Variants in MYO1E observed in about 807,000 individuals in gnomAD.
The protein encoded by MYO1E is unconventional myosin-Ie.
A neutral mutation model predicts 151.1 loss-of-function variants in MYO1E; 68 were observed. That is an observed-to-expected ratio of 0.45 (90% CI 0.37 to 0.55). The LOEUF is 0.55. MYO1E is among the 20% of genes least tolerant of loss of function. MYO1E has a pLI of 0.00. For missense variants in MYO1E, 1,363 were observed against 1,389.3 expected, an observed-to-expected ratio of 0.98 and a Z score of 0.30; for synonymous variants, 601 against 501.7, an observed-to-expected ratio of 1.20 and a Z score of -2.64.
chr15:59,313,473 T>C (rs1245547057), intron 1 of MYO1E, among the ~76,000 whole-genome samples: 1 of 152,168 alleles, frequency 6.6e-6, no homozygotes, highest in East Asian at 1.9e-4. Flanking sequence ...GAAATAATAA[T>C]GGGAGTACAG....
intron 1 of MYO1E, among the ~76,000 whole-genome samples, chr15:59,306,124 A>C (rs1437110748): frequency 6.6e-6 from 1 of 152,208 alleles, no homozygotes; most frequent in Admixed American, 6.5e-5. Flanking sequence ...TCAACCCCAG[A>C]AGTTTTTCTA....
intron 1 of MYO1E, among the ~76,000 whole-genome samples, chr15:59,279,514 C>T (rs1397761330): frequency 6.6e-6 from 1 of 152,198 alleles, no homozygotes; most frequent in Non-Finnish European, 1.5e-5. Flanking sequence ...CCAGCCAAGA[C>T]CCTGTGCCAC....
chr15:59,268,955 A>G (rs1215847021), intron 2 of MYO1E, among the ~76,000 whole-genome samples: 3 of 151,904 alleles, frequency 2.0e-5, no homozygotes, highest in Non-Finnish European at 4.4e-5. Flanking sequence ...CTTACCAAAA[A>G]ACCGTATTTC....
At chr15:59,189,438 G>C (rs1023404732) in intron 17 of MYO1E, among the ~76,000 whole-genome samples, 1 of 149,702 alleles carries the variant, frequency 6.7e-6, no homozygotes, top group Non-Finnish European at 1.5e-5. Context: ...TCTTTCTTTC[G>C]AGACAGAGTC....
Position 59,137,432 on chromosome 15 carries a change from C to T in MYO1E, c.3275G>A (p.Arg1092Gln), listed in dbSNP as rs749958731. 1.1e-5 allele frequency: 17 copies of T among 1,613,970 alleles called. No homozygotes were observed. The highest frequency in any genetic ancestry group is 5.0e-5 in the Admixed American group (3 of 60,000). Residue 1092 changes from arginine to glutamine, a missense_variant, in exon 28 of 28, where the codon CGA becomes CAA. By Grantham distance (43) the Arg-to-Gln change is conservative (BLOSUM62 1). Transcript: ENST00000288235. The stretch of plus-strand genomic sequence containing the variant: ...GAACAGGCCCTGCTTGCCTCGTAGT[C>T]GACCCGTCCACCAGCCAGAAGGATC... ...KEDPSGWWTG[R>Q]LRGKQGLFPN...
At chr15:59,326,316 G>A (rs944547026) in intron 1 of MYO1E, among the ~76,000 whole-genome samples, 8 of 151,984 alleles carry the variant, frequency 5.3e-5, no homozygotes, top group Non-Finnish European at 1.0e-4. Context: ...TCAGGAGATC[G>A]AGACCATCCT....
intron 16 of MYO1E, among the ~76,000 whole-genome samples, chr15:59,200,628 GA>G (rs2079795331): frequency 6.6e-6 from 1 of 151,826 alleles, no homozygotes; most frequent in Non-Finnish European, 1.5e-5. Context: ...TTACAAAAAA[GA>G]AAAAAACAAC....
At chr15:59,182,026 C>T (rs944646994) in intron 18 of MYO1E, among the ~76,000 whole-genome samples, 22 of 152,266 alleles carry the variant, frequency 1.4e-4, no homozygotes, top group Non-Finnish European at 2.1e-4. Context: ...CAGACTCATG[C>T]GTCTTATGGA....
intron 9 of MYO1E, among the ~76,000 whole-genome samples, chr15:59,220,061 A>G (rs2079944540): frequency 6.6e-6 from 1 of 152,210 alleles, no homozygotes; most frequent in Non-Finnish European, 1.5e-5. Context: ...TCCAACTAAG[A>G]AGGGATTTCT....
intron 1 of MYO1E, among the ~76,000 whole-genome samples, chr15:59,362,293 A>G (rs1355700352): frequency 6.6e-6 from 1 of 152,154 alleles, no homozygotes; most frequent in Non-Finnish European, 1.5e-5. Flanking sequence ...TTTACCAAAC[A>G]CTACCCTTGT....
intron 1 of MYO1E, among the ~76,000 whole-genome samples, chr15:59,273,949 C>T (rs1253566605): frequency 1.3e-5 from 2 of 151,750 alleles, no homozygotes; most frequent in Admixed American, 6.6e-5. Context: ...GCTCAGACAT[C>T]AAAACTAGGA....
intron 1 of MYO1E, among the ~76,000 whole-genome samples, chr15:59,295,689 T>G (rs988991078): frequency 6.6e-6 from 1 of 151,762 alleles, no homozygotes; most frequent in East Asian, 2.0e-4. Flanking sequence ...AAAACAACTC[T>G]GCCAGGAGGG....
intron 1 of MYO1E, among the ~76,000 whole-genome samples, chr15:59,275,052 C>G (rs951564965): frequency 2.0e-5 from 3 of 152,122 alleles, no homozygotes; most frequent in African/African-American, 7.2e-5. Context: ...GTTAACATTC[C>G]CATGCCATAT....
Position 59,215,041 on chromosome 15 carries a change from C to T in MYO1E, c.1108-321G>A, listed in dbSNP as rs568455290. ...AGAAAAAAATGTCATCTTGGATGAT[C>T]GAAGTAAAACCTATTTCACACAAAG... On this transcript the variant is annotated intron_variant, in intron 10 of 27. Coordinates refer to ENST00000288235, the MANE Select transcript of MYO1E (RefSeq NM_004998.4). Among the ~76,000 whole-genome samples the T allele has an allele frequency of 4.6e-5, 7 of 152,188 alleles. No homozygotes were observed. The South Asian group carries it at 8.3e-4, about 18-fold the overall frequency.
chr15:59,322,143 C>G (rs2080630211), intron 1 of MYO1E, among the ~76,000 whole-genome samples: 1 of 151,150 alleles, frequency 6.6e-6, no homozygotes, highest in Non-Finnish European at 1.5e-5. Flanking sequence ...CCACTGCACT[C>G]CAGCCCGGGC....
chr15:59,196,885 G>A (rs528535503), intron 16 of MYO1E, among the ~76,000 whole-genome samples: 1 of 151,876 alleles, frequency 6.6e-6, no homozygotes, highest in East Asian at 1.9e-4. Context: ...GAGAGGGACT[G>A]CAGGGTTGAA....
At chr15:59,343,379 C>T (rs925598105) in intron 1 of MYO1E, among the ~76,000 whole-genome samples, 3 of 151,880 alleles carry the variant, frequency 2.0e-5, no homozygotes, top group African/African-American at 4.8e-5. Flanking sequence ...TGCTGCCAGA[C>T]GTGTTGGAGC....
intron 1 of MYO1E, among the ~76,000 whole-genome samples, chr15:59,360,881 T>C (rs2080881161): frequency 6.6e-6 from 1 of 152,106 alleles, no homozygotes; most frequent in Admixed American, 6.6e-5. Context: ...ACAGAAAAGG[T>C]TGAGGGTAGG....
rs374110608 is a variant in MYO1E at position 59,323,489 on chromosome 15, A to G, written c.3+49009T>C. Among the ~76,000 whole-genome samples the G allele has an allele frequency of 1.3e-4, 20 of 151,586 alleles. No homozygotes were observed. In the East Asian group the frequency reaches 3.3e-3, roughly 25 times the overall value. On this transcript the variant is annotated intron_variant, in intron 1 of 27. Transcript: ENST00000288235. ...AACATGGTGAAACCCCGTCTCTACT[A>G]AAAATACACACAAAAAAATAGCCAG...
Sources: gnomAD v4.1 joint callset for allele counts (sites outside exome capture counted in the v4.1 genomes callset) on GRCh38, gnomAD v4.1.1 for gene constraint, MANE v1.5 for transcripts, NCBI Gene and HGNC (gene_info 2026-07-23, HGNC 2026-07-21) for gene names.